CARM1: variants seen among roughly 807,000 people sequenced by gnomAD.
The protein encoded by CARM1 is coactivator associated arginine methyltransferase 1.
CARM1 carries 14 observed loss-of-function variants against 72.7 expected under a neutral mutation model. The ratio of observed to expected loss-of-function variants is 0.19; its 90% CI spans 0.13 to 0.30. The LOEUF is 0.30. CARM1 is among the 10% of genes least tolerant of loss of function. CARM1 has a pLI of 1.00. For missense variants in CARM1, 432 were observed against 833.7 expected (o/e 0.52, Z 5.93); for synonymous variants, 333 against 345.5 (o/e 0.96, Z 0.40).
chr19:10,889,481 A>AT lies in CARM1; in HGVS notation c.221-15451dup, dbSNP rs35291257. Among the ~76,000 whole-genome samples, 1,207 of 129,416 alleles carry AT rather than the reference A, an allele frequency of 9.3e-3. 8 individuals are homozygous for AT. Among genetic ancestry groups the AT allele is most frequent in the East Asian group, 0.018 (79 of 4,310 alleles). The allele number at this position is 129,416 out of a possible 152,430, so 84.9% of individuals were successfully genotyped here. On this transcript the variant is annotated intron_variant, in intron 1 of 15. Coordinates refer to ENST00000327064, the MANE Select transcript of CARM1 (RefSeq NM_199141.2). ...AGGTGTTCACCACCATGCCCGGCTA[A>AT]TTTTTTTTTTTTTTTTTTTGTATTT...
chr19:10,917,710 TTC>T (rs1192792599), intron 8 of CARM1, among the ~76,000 whole-genome samples: 2 of 149,808 alleles, frequency 1.3e-5, no homozygotes, highest in Non-Finnish European at 3.0e-5. Flanking sequence ...TTCTCTCATT[TTC>T]TTTTTCTTTT....
At chr19:10,884,765 C>T (rs983512613) in intron 1 of CARM1, among the ~76,000 whole-genome samples, 4 of 152,068 alleles carry the variant, frequency 2.6e-5, no homozygotes, top group African/African-American at 4.8e-5. Flanking sequence ...AGTGCAGTAG[C>T]GTGATCTCAG....
Position 10,914,074 on chromosome 19 carries a change from CAGG to C in CARM1, c.847+21_847+23del. 6.3e-7 allele frequency: 1 copy of C among 1,596,482 alleles called. No homozygotes were observed. Among genetic ancestry groups the C allele is most frequent in the South Asian group, 1.1e-5 (1 of 88,862 alleles). On this transcript the variant is annotated intron_variant, in intron 6 of 15. Transcript: ENST00000327064. ...CCAGCGGTGAGCACTGGGGGGTACACAGGCCAGGCCCCTCGGTGGAGGCCCTGG... is the reference window on the plus strand; with the variant it reads ...CCAGCGGTGAGCACTGGGGGGTACACCCAGGCCCCTCGGTGGAGGCCCTGG...
At chr19:10,889,103 A>G (rs2073962889) in intron 1 of CARM1, among the ~76,000 whole-genome samples, 1 of 152,154 alleles carries the variant, frequency 6.6e-6, no homozygotes, top group African/African-American at 2.4e-5. Flanking sequence ...TAGATGGGGC[A>G]CGCATTGAGT....
chr19:10,911,797 G>C (rs117071690), intron 4 of CARM1, among the ~76,000 whole-genome samples: 121 of 152,326 alleles, frequency 7.9e-4, no homozygotes, highest in Middle Eastern at 6.8e-3. Context: ...GCTTCTCCAG[G>C]CATGAGTCAG....
intron 3 of CARM1, chr19:10,908,726 G>T (rs1050585264): frequency 4.7e-6 from 1 of 212,182 alleles, no homozygotes; most frequent in Non-Finnish European, 9.7e-6. Context: ...CACCTCACCT[G>T]CCTGGCGCTC....
chr19:10,900,745 G>A (rs1246157052), intron 1 of CARM1, among the ~76,000 whole-genome samples: 5 of 151,750 alleles, frequency 3.3e-5, no homozygotes, highest in African/African-American at 4.8e-5. Context: ...GTGCAGTGGC[G>A]TGATCTCGGC....
At chr19:10,874,091 T>A (rs1334094137) in intron 1 of CARM1, among the ~76,000 whole-genome samples, 2 of 152,220 alleles carry the variant, frequency 1.3e-5, no homozygotes, top group Non-Finnish European at 2.9e-5. Flanking sequence ...ACAGCACTTC[T>A]CTTTGAGAGG....
rs1446571115 is a variant in CARM1, at chr19:10,921,682, C to T, written c.1752C>T (p.Phe584=). ...TSAHYAVNSQ[F]TMGGPAISMA... Reference sequence around the variant, plus strand: ...CCCACTATGCAGTCAACAGCCAGTTCACCATGGGCGGCCCCGCCATCTCCA... The same window carrying T: ...CCCACTATGCAGTCAACAGCCAGTTTACCATGGGCGGCCCCGCCATCTCCA... The change falls in exon 16 of 16, where the codon TTC becomes TTT. Residue 584 remains phenylalanine (F), a synonymous_variant. Transcript: ENST00000327064. 6.8e-6 allele frequency: 11 copies of T among 1,613,538 alleles called. No individual in the cohort carries two copies. Among genetic ancestry groups the T allele is most frequent in the African/African-American group, 1.3e-5 (1 of 74,932 alleles).
chr19:10,908,183 C>T (rs554733726), intron 3 of CARM1, 38 bp downstream of exon 3: 36 of 1,385,796 alleles, frequency 2.6e-5, no homozygotes, highest in Middle Eastern at 3.6e-4. Flanking sequence ...CGCCTCCCCC[C>T]GGCAGCCCCC....
chr19:10,919,353 G>A (rs912430293), intron 8 of CARM1: 1 of 506,040 alleles, frequency 2.0e-6, no homozygotes, highest in African/African-American at 1.9e-5. Context: ...GTATCTGGAG[G>A]TTAAACTCCT....
At chr19:10,908,236 C>T (rs985108345) in intron 3 of CARM1, 91 bp downstream of exon 3, 18 of 821,428 alleles carry the variant, frequency 2.2e-5, no homozygotes, top group African/African-American at 8.4e-5. Flanking sequence ...AGGGAAGGCC[C>T]ACCCAAGTTC....
intron 1 of CARM1, among the ~76,000 whole-genome samples, chr19:10,873,624 GTTTTTTTTTTTTTTT>G (rs1169565864): frequency 9.3e-4 from 44 of 47,348 alleles, no homozygotes; most frequent in African/African-American, 3.1e-3. Flanking sequence ...TTTTAGTTTA[GTTTTTTTTTTTTTTT>G]TTTTTTTTTT....
At chr19:10,893,045 T>C (rs1485783812) in intron 1 of CARM1, among the ~76,000 whole-genome samples, 2 of 149,590 alleles carry the variant, frequency 1.3e-5, no homozygotes, top group Admixed American at 6.7e-5. Context: ...CTGCCCATTT[T>C]ATTTATTTAT....
intron 4 of CARM1, among the ~76,000 whole-genome samples, chr19:10,910,796 C>T (rs2074143921): frequency 6.6e-6 from 1 of 151,952 alleles, no homozygotes; most frequent in Non-Finnish European, 1.5e-5. Flanking sequence ...GATCTCTTGA[C>T]CTCATGATCC....
Position 10,916,511 on chromosome 19 carries a change from G to A in CARM1, c.938+14G>A. 2 of 1,600,402 alleles carry A rather than the reference G, an allele frequency of 1.2e-6. No homozygotes were observed. Among genetic ancestry groups the A allele is most frequent in the Non-Finnish European group, 1.7e-6 (2 of 1,167,980 alleles). On this transcript the variant is annotated intron_variant, in intron 7 of 15. Transcript: ENST00000327064. The surrounding 1 kb of genome is among the most constrained non-coding windows in gnomAD (Gnocchi z 4.4). ...GGCCAACTTCTGGTGAGTGTGCCCT[G>A]GGTGTCCCGCCTGGGCCCCACAGCC... is the stretch of plus-strand genomic sequence containing the variant.
chr19:10,885,888 ATTTTTTTTT>A (rs766173367), intron 1 of CARM1, among the ~76,000 whole-genome samples: 2 of 78,780 alleles, frequency 2.5e-5, no homozygotes, highest in Admixed American at 1.3e-4. Context: ...TCACTCCCTC[ATTTTTTTTT>A]TTTTTTTTTT....
In CARM1 at chr19:10,914,664, T is replaced by G. The variant is rs142190195; in HGVS notation, c.847+610T>G. 8.0e-3 allele frequency among the ~76,000 whole-genome samples: 1,225 copies of G among 152,298 alleles called. 12 individuals are homozygous for G. The highest frequency in any genetic ancestry group is 0.014 in the Non-Finnish European group (947 of 68,022). Reference sequence around the variant, plus strand: ...TGCACCTCCCCAGTTCAAGCAATTTTTGTGCTTCAGCCTCCTGAGTAGCTG... The same window carrying G: ...TGCACCTCCCCAGTTCAAGCAATTTGTGTGCTTCAGCCTCCTGAGTAGCTG... On this transcript the variant is annotated intron_variant, in intron 6 of 15. Coordinates refer to ENST00000327064, the MANE Select transcript of CARM1 (RefSeq NM_199141.2).
chr19:10,899,240 G>T (rs937509647), intron 1 of CARM1, among the ~76,000 whole-genome samples: 2 of 152,202 alleles, frequency 1.3e-5, no homozygotes, highest in Admixed American at 6.5e-5. Flanking sequence ...GCACAGCCAG[G>T]CTTCACTTGG....
Sources: allele counts gnomAD v4.1 joint callset (sites outside exome capture counted in the v4.1 genomes callset), GRCh38; gene constraint gnomAD v4.1.1; non-coding constraint Gnocchi (gnomAD v3.1); transcripts MANE v1.5; gene names NCBI Gene and HGNC (gene_info 2026-07-23, HGNC 2026-07-21).